Variants in FHIT observed in about 807,000 individuals in gnomAD.
FHIT encodes bis(5'-adenosyl)-triphosphatase.
Under a neutral mutation model 17.9 loss-of-function variants are expected in FHIT, and 19 were observed. That is an observed-to-expected ratio of 1.06 (90% CI 0.74 to 1.56). The LOEUF (loss-of-function observed/expected upper bound fraction) is 1.56, where lower values mean the gene tolerates loss of function less well. Among genes scored for constraint, FHIT ranks in the 40% most tolerant of loss-of-function variants. The probability of loss-of-function intolerance (pLI) is 0.00; values close to 1 mark genes in which losing one functional copy is unlikely to be tolerated. For missense variants in FHIT, 248 were observed against 189.2 expected (o/e 1.31, Z -1.82); for synonymous variants, 81 against 69.7 (o/e 1.16, Z -0.81).
intron 2 of FHIT, among the ~76,000 whole-genome samples, chr3:61,048,990 G>A (rs138186738): frequency 3.6e-3 from 543 of 152,020 alleles, no homozygotes; most frequent in Middle Eastern, 0.01. Flanking sequence ...TTGGGGGAGT[G>A]GGGAGGGATA....
intron 7 of FHIT, among the ~76,000 whole-genome samples, chr3:59,977,671 C>G (rs929977776): frequency 1.3e-5 from 2 of 152,132 alleles, no homozygotes; most frequent in African/African-American, 4.8e-5. Flanking sequence ...GAATTTGAAA[C>G]TATTCCTGTC....
At chr3:60,830,356 A>G (rs959226796) in intron 3 of FHIT, among the ~76,000 whole-genome samples, 9 of 152,168 alleles carry the variant, frequency 5.9e-5, no homozygotes, top group Non-Finnish European at 8.8e-5. Context: ...TGAAAAGTTT[A>G]GCATGATTTT....
intron 8 of FHIT, among the ~76,000 whole-genome samples, chr3:59,760,830 T>C (rs1701473751): frequency 7.5e-6 from 1 of 132,716 alleles, no homozygotes; most frequent in Non-Finnish European, 1.5e-5. Context: ...CATTTAGAGG[T>C]AATTTTTTTT....
In FHIT at chr3:60,002,378, A is replaced by G. The variant is rs879898320; in HGVS notation, c.279+8993T>C. On this transcript the variant is annotated intron_variant, in intron 7 of 9. Coordinates refer to ENST00000492590, the MANE Select transcript of FHIT (RefSeq NM_002012.4). The stretch of plus-strand genomic sequence containing the variant: ...TCTGATGGAGAAGGCTTCCGAAGAT[A>G]TATGTCTCAACTTCCCTGATTTTGG... 3.9e-5 allele frequency among the ~76,000 whole-genome samples: 6 copies of G among 152,104 alleles called. No homozygotes were observed. The South Asian group carries it at 8.3e-4, about 21-fold the overall frequency.
chr3:60,153,485 A>G (rs1185074416), intron 5 of FHIT, among the ~76,000 whole-genome samples: 2 of 151,608 alleles, frequency 1.3e-5, no homozygotes, highest in Non-Finnish European at 2.9e-5. Flanking sequence ...CTAAAATTCT[A>G]TTTTGAGGTT....
chr3:60,688,218 G>C lies in FHIT; in HGVS notation c.-18+133701C>G, dbSNP rs540698333. Among the ~76,000 whole-genome samples the C allele has an allele frequency of 1.3e-3, 201 of 152,210 alleles. 1 individual carries two copies. The highest frequency in any genetic ancestry group is 0.012 in the Admixed American group (184 of 15,274). Reference sequence around the variant, plus strand: ...TCCTCTTTTCAACATATCAGGTACAGGGGAAATGTCATTCCTATGTTATGC... The same window carrying C: ...TCCTCTTTTCAACATATCAGGTACACGGGAAATGTCATTCCTATGTTATGC... On this transcript the variant is annotated intron_variant, in intron 4 of 9. Coordinates refer to ENST00000492590, the MANE Select transcript of FHIT (RefSeq NM_002012.4).
In FHIT at chr3:60,825,647, G is replaced by T. The variant is rs536915935; in HGVS notation, c.-110-3636C>A. Among the ~76,000 whole-genome samples the T allele has an allele frequency of 5.8e-4, 88 of 152,168 alleles. 1 individual carries two copies. The highest frequency in any genetic ancestry group is 2.0e-3 in the African/African-American group (83 of 41,516). On this transcript the variant is annotated intron_variant, in intron 3 of 9. Transcript: ENST00000492590. Reference sequence around the variant, plus strand: ...GAGCAGGAACCCTAGTGTGAACTGTGCATGCGAGGGATCTAGGCTGCCTGC... The same window carrying T: ...GAGCAGGAACCCTAGTGTGAACTGTTCATGCGAGGGATCTAGGCTGCCTGC...
chr3:61,055,078 TGTTA>T (rs1411370900), intron 2 of FHIT, among the ~76,000 whole-genome samples: 1 of 148,164 alleles, frequency 6.7e-6, no homozygotes, highest in African/African-American at 2.6e-5. Flanking sequence ...CCACAGTTGT[TGTTA>T]GTATCTTTTG....
intron 4 of FHIT, among the ~76,000 whole-genome samples, chr3:60,763,053 T>C (rs181696955): frequency 2.6e-5 from 4 of 152,086 alleles, no homozygotes; most frequent in African/African-American, 7.2e-5. Flanking sequence ...CTCTGACACA[T>C]CTGAGATCAC....
chr3:60,941,593 T>C (rs1476981157), intron 3 of FHIT, among the ~76,000 whole-genome samples: 1 of 150,218 alleles, frequency 6.7e-6, no homozygotes, highest in Non-Finnish European at 1.5e-5. Flanking sequence ...CTTTTTCTAC[T>C]GACTATGTTC....
intron 2 of FHIT, 105 bp from the exon 3 acceptor site, chr3:61,042,204 A>C (rs1471338585): frequency 6.6e-6 from 1 of 152,230 alleles, no homozygotes; most frequent in Non-Finnish European, 1.5e-5. Context: ...ATGAAAAAAA[A>C]CTTCCATTTA....
chr3:60,402,640 A>G (rs920295810), intron 5 of FHIT, among the ~76,000 whole-genome samples: 3 of 152,234 alleles, frequency 2.0e-5, no homozygotes, highest in African/African-American at 7.2e-5. Context: ...TTTGCAAATT[A>G]TCTAAGTTTC....
intron 5 of FHIT, among the ~76,000 whole-genome samples, chr3:60,312,359 C>T (rs1433184219): frequency 6.6e-6 from 1 of 152,036 alleles, no homozygotes; most frequent in Non-Finnish European, 1.5e-5. Context: ...CTAGGCTGGT[C>T]TCGAACTCCT....
intron 8 of FHIT, among the ~76,000 whole-genome samples, chr3:59,792,880 G>GC (rs1553679185): frequency 1.4e-5 from 2 of 146,684 alleles, no homozygotes; most frequent in Non-Finnish European, 3.0e-5. Context: ...TTTGGGGGGG[G>GC]GGGTCATGAA....
chr3:60,421,777 G>C (rs1395852707), intron 5 of FHIT, among the ~76,000 whole-genome samples: 1 of 151,994 alleles, frequency 6.6e-6, no homozygotes, highest in African/African-American at 2.4e-5. Context: ...CTTGAAACAG[G>C]ACATTCTGTT....
At chr3:59,930,510 C>A (rs1205156137) in intron 7 of FHIT, among the ~76,000 whole-genome samples, 2 of 152,074 alleles carry the variant, frequency 1.3e-5, no homozygotes, top group African/African-American at 2.4e-5. Flanking sequence ...CAGAACAAGC[C>A]TGGTATGGCC....
At chr3:60,327,167 ATTC>A (rs1709733803) in intron 5 of FHIT, among the ~76,000 whole-genome samples, 1 of 152,186 alleles carries the variant, frequency 6.6e-6, no homozygotes, top group African/African-American at 2.4e-5. Context: ...TATGTTTCAT[ATTC>A]CATCTTCTTC....
intron 8 of FHIT, among the ~76,000 whole-genome samples, chr3:59,895,652 T>C (rs978541605): frequency 1.3e-5 from 2 of 152,202 alleles, no homozygotes; most frequent in African/African-American, 4.8e-5. Flanking sequence ...ATCCACTTGC[T>C]TCTCTCCTTC....
chr3:60,256,714 C>T (rs1274035652), intron 5 of FHIT, among the ~76,000 whole-genome samples: 1 of 152,200 alleles, frequency 6.6e-6, no homozygotes, highest in Non-Finnish European at 1.5e-5. Context: ...ATCCACACCT[C>T]TGTGCCATCC....
Sources: gnomAD v4.1 joint callset for allele counts (sites outside exome capture counted in the v4.1 genomes callset) on GRCh38, gnomAD v4.1.1 for gene constraint, MANE v1.5 for transcripts, NCBI Gene and HGNC (gene_info 2026-07-23, HGNC 2026-07-21) for gene names.